Variants in SCRG1 observed in about 807,000 individuals in gnomAD.
SCRG1 encodes the protein stimulator of chondrogenesis 1.
Under a neutral mutation model 7.7 loss-of-function variants are expected in SCRG1, and 3 were observed. The observed-to-expected ratio is 0.39, with a 90% CI of 0.18 to 1.01. SCRG1 has a LOEUF of 1.01. Ranked by LOEUF, SCRG1 falls within the 50% of genes least tolerant of loss-of-function variation. SCRG1 has a pLI of 0.36. For missense variants in SCRG1, 110 were observed against 117.2 expected (o/e 0.94, Z 0.28); for synonymous variants, 46 against 41.2 (o/e 1.12, Z -0.44).
the SCRG1 span, among the ~76,000 whole-genome samples, chr4:173,473,686 G>A: frequency 6.6e-6 from 1 of 152,198 alleles, no homozygotes; most frequent in African/African-American, 2.4e-5. Context: ...ATGCAGATCT[G>A]GCTAGGGCAG....
the SCRG1 span, among the ~76,000 whole-genome samples, chr4:173,429,224 A>C: frequency 6.6e-6 from 1 of 152,256 alleles, no homozygotes; most frequent in South Asian, 2.1e-4. Flanking sequence ...TTTTTGCAAA[A>C]CTGATTTCAA....
Position 173,388,411 on chromosome 4 carries a change from G to A in SCRG1, c.243-16C>T. 2 of 1,591,618 alleles carry A rather than the reference G, an allele frequency of 1.3e-6. No individual in the cohort carries two copies. Among genetic ancestry groups the A allele is most frequent in the Admixed American group, 1.7e-5 (1 of 59,294 alleles). On this transcript the variant is annotated splice_polypyrimidine_tract_variant and intron_variant, in intron 2 of 2. Transcript: ENST00000296506. ...GAAAACGTCTCTGAAAGAAAATAGA[G>A]CATCAATTAAATTCACCTTAAGGCT...
chr4:173,453,001 A>T, the SCRG1 span, among the ~76,000 whole-genome samples: 1 of 152,254 alleles, frequency 6.6e-6, no homozygotes. Flanking sequence ...GGCAGAAGAC[A>T]CAGGACTCCT....
chr4:173,420,743 C>T, the SCRG1 span, among the ~76,000 whole-genome samples: 2 of 151,346 alleles, frequency 1.3e-5, no homozygotes, highest in Non-Finnish European at 1.5e-5. Flanking sequence ...AAACAGGATG[C>T]AAGTTAGGGC....
At chr4:173,475,412 AC>A in the SCRG1 span, among the ~76,000 whole-genome samples, 6 of 152,356 alleles carry the variant, frequency 3.9e-5, no homozygotes, top group South Asian at 1.0e-3. Flanking sequence ...AGAAGGGCTG[AC>A]CCCAAGTGTC....
Position 173,388,151 on chromosome 4 carries a change from A to T in SCRG1, c.*190T>A. 2 of 464,304 alleles carry T rather than the reference A, an allele frequency of 4.3e-6. No individual in the cohort carries two copies. The highest frequency in any genetic ancestry group is 4.2e-5 in the Admixed American group (1 of 23,912). The allele number at this position is 464,304 out of a possible 1,614,324, so 28.8% of individuals were successfully genotyped here. A position where few individuals can be genotyped will look rare whatever the true frequency, so the allele number is the denominator to read the frequency against. On this transcript the variant is annotated 3_prime_UTR_variant, in exon 3 of 3. Coordinates refer to ENST00000296506, the MANE Select transcript of SCRG1 (RefSeq NM_007281.4). ...TTTTTAACCAATGCCAACAATGTCC[A>T]CAGAGAAAAATTAGATTGAATTAAC...
At chr4:173,412,788 G>C in the SCRG1 span, among the ~76,000 whole-genome samples, 1 of 152,140 alleles carries the variant, frequency 6.6e-6, no homozygotes, top group Non-Finnish European at 1.5e-5. Context: ...TGGCTTAGGA[G>C]AGTTGTTCTC....
intron 1 of SCRG1, among the ~76,000 whole-genome samples, chr4:173,397,324 C>G (rs1048596758): frequency 1.3e-5 from 2 of 149,106 alleles, no homozygotes; most frequent in African/African-American, 2.5e-5. Flanking sequence ...GAAAATTGGT[C>G]TTTTTTTTTT....
chr4:173,459,685 A>C, the SCRG1 span, among the ~76,000 whole-genome samples: 1 of 152,214 alleles, frequency 6.6e-6, no homozygotes, highest in African/African-American at 2.4e-5. Context: ...AAACAACCTA[A>C]TGTAGGAGCT....
the SCRG1 span, among the ~76,000 whole-genome samples, chr4:173,441,065 A>G: frequency 6.6e-6 from 1 of 152,000 alleles, no homozygotes; most frequent in African/African-American, 2.4e-5. Context: ...GGGTGGGGGG[A>G]CTATTCAAAG....
At chr4:173,464,436 C>T in the SCRG1 span, among the ~76,000 whole-genome samples, 19 of 152,134 alleles carry the variant, frequency 1.2e-4, no homozygotes, top group Non-Finnish European at 2.8e-4. Context: ...AAAATAACCA[C>T]CAAATTAACC....
At chr4:173,482,425 C>G in the SCRG1 span, among the ~76,000 whole-genome samples, 8 of 152,128 alleles carry the variant, frequency 5.3e-5, no homozygotes, top group Non-Finnish European at 1.2e-4. Flanking sequence ...GATACAGTCA[C>G]AGGTCTTTGC....
the SCRG1 span, among the ~76,000 whole-genome samples, chr4:173,439,713 C>T: frequency 3.2e-3 from 492 of 152,218 alleles, 2 homozygotes; most frequent in African/African-American, 0.011. Context: ...GTCCTCCCCT[C>T]TTACCACGAT....
At chr4:173,403,348 G>A (rs2126923366), upstream of SCRG1, 1 of 152,298 alleles carries the variant, frequency 6.6e-6, no homozygotes, top group South Asian at 2.1e-4. Context: ...AGGATTCCCA[G>A]ATGGGCAACC....
chr4:173,439,872 C>A, the SCRG1 span, among the ~76,000 whole-genome samples: 2 of 152,150 alleles, frequency 1.3e-5, no homozygotes, highest in East Asian at 3.9e-4. Flanking sequence ...TTGTTTTGAA[C>A]AAGGACACGT....
At chr4:173,483,404 T>TA in the SCRG1 span, among the ~76,000 whole-genome samples, 13 of 70,684 alleles carry the variant, frequency 1.8e-4, 1 homozygote, top group African/African-American at 6.9e-4. Flanking sequence ...TATCATGATA[T>TA]ATATTATATA....
chr4:173,516,335 C>A, the SCRG1 span, among the ~76,000 whole-genome samples: 1 of 152,350 alleles, frequency 6.6e-6, no homozygotes, highest in East Asian at 1.9e-4. Flanking sequence ...CGCACACACT[C>A]TACGTTTAAG....
the SCRG1 span, among the ~76,000 whole-genome samples, chr4:173,418,942 G>T: frequency 6.6e-6 from 1 of 152,178 alleles, no homozygotes; most frequent in Admixed American, 6.5e-5. Flanking sequence ...CTGCAGAACT[G>T]TGACTCAATC....
the SCRG1 span, among the ~76,000 whole-genome samples, chr4:173,426,006 G>A: frequency 6.6e-6 from 1 of 152,344 alleles, no homozygotes; most frequent in Admixed American, 6.5e-5. Context: ...GAGGCCCCAA[G>A]CTAACAGTTC....
Sources: allele counts gnomAD v4.1 joint callset (sites outside exome capture counted in the v4.1 genomes callset), GRCh38; gene constraint gnomAD v4.1.1; transcripts MANE v1.5; gene names NCBI Gene and HGNC (gene_info 2026-07-23, HGNC 2026-07-21).